The following C1GALT1 variants were observed in gnomAD, a reference collection of about 807,000 sequenced individuals.
The protein encoded by C1GALT1 is core 1 synthase, glycoprotein-N-acetylgalactosamine 3-beta-galactosyltransferase 1.
A neutral mutation model predicts 31.0 loss-of-function variants in C1GALT1; 11 were observed. The ratio of observed to expected loss-of-function variants is 0.36; its 90% CI spans 0.22 to 0.59. The LOEUF is 0.59. Ranked by LOEUF, C1GALT1 falls within the 20% of genes least tolerant of loss-of-function variation. The pLI, the probability that C1GALT1 is intolerant of heterozygous loss-of-function variation, is 0.79. For missense variants in C1GALT1, 424 were observed against 425.2 expected (o/e 1.00, Z 0.03); for synonymous variants, 175 against 143.6 (o/e 1.22, Z -1.56).
chr7:7,216,958 G>GT (rs1288859831), intron 1 of C1GALT1, among the ~76,000 whole-genome samples: 11 of 146,844 alleles, frequency 7.5e-5, no homozygotes, highest in Non-Finnish European at 8.9e-5. Context: ...TTCCTAAACT[G>GT]TAAGTATTCC....
At chr7:7,197,091 G>C (rs1781324081) in intron 1 of C1GALT1, among the ~76,000 whole-genome samples, 2 of 152,140 alleles carry the variant, frequency 1.3e-5, no homozygotes, top group Non-Finnish European at 2.9e-5. Flanking sequence ...ATTGCTTTTG[G>C]TGTTTTAGTC....
In C1GALT1 at chr7:7,195,543, C is replaced by T. The variant is rs1275355118; in HGVS notation, c.-18+12723C>T. Among the ~76,000 whole-genome samples, 5 of 152,006 alleles carry T rather than the reference C, an allele frequency of 3.3e-5. 1 individual carries two copies. The South Asian group carries it at 6.2e-4, about 19-fold the overall frequency. Reference sequence around the variant, plus strand: ...CCACTATAGTGTGAGAGAGTACTTGCTATAATTTTGATTTTCTTAAATTTG... The same window carrying T: ...CCACTATAGTGTGAGAGAGTACTTGTTATAATTTTGATTTTCTTAAATTTG... On this transcript the variant is annotated intron_variant, in intron 1 of 3. Coordinates refer to ENST00000436587, the MANE Select transcript of C1GALT1 (RefSeq NM_020156.5).
intron 3 of C1GALT1, among the ~76,000 whole-genome samples, chr7:7,241,473 C>T (rs1783627253): frequency 1.3e-5 from 2 of 151,882 alleles, no homozygotes; most frequent in Admixed American, 6.6e-5. Flanking sequence ...TTCTTTTTTT[C>T]TAAGTGTTTT....
chr7:7,229,631 T>C (rs1307849952), intron 1 of C1GALT1, among the ~76,000 whole-genome samples: 1 of 152,216 alleles, frequency 6.6e-6, no homozygotes, highest in Non-Finnish European at 1.5e-5. Context: ...CAAGGTCTAA[T>C]GAACTGGTCC....
At chr7:7,206,438 G>C (rs1781742682) in intron 1 of C1GALT1, among the ~76,000 whole-genome samples, 1 of 151,990 alleles carries the variant, frequency 6.6e-6, no homozygotes, top group Non-Finnish European at 1.5e-5. Flanking sequence ...GTCTTGAGAG[G>C]CTGAGGCAGG....
Position 7,238,426 on chromosome 7 carries a change from C to A in C1GALT1, c.392C>A (p.Ala131Asp). The stretch of plus-strand genomic sequence containing the variant: ...TCAGAAGAAAATAAAGACTTCCCTG[C>A]TGTGGGACTGAAAACCAAAGAAGGC... The part of the protein sequence containing the change: ...MSSEENKDFP[A>D]VGLKTKEGRD... The change falls in exon 3 of 4, where the codon GCT (alanine) becomes GAT (aspartate). Residue 131 changes from alanine (A) to aspartate (D), a missense_variant. Physicochemically the swap from Ala to Asp is moderately radical, Grantham distance 126 (BLOSUM62 -2). Transcript: ENST00000436587. This position sits in a 1 kb window ranked among gnomAD's most constrained non-coding sequence, Gnocchi z 5.2. The A allele has an allele frequency of 6.2e-7, 1 of 1,613,916 alleles. No homozygotes were observed. Among genetic ancestry groups the A allele is most frequent in the Non-Finnish European group, 8.5e-7 (1 of 1,179,966 alleles).
intron 2 of C1GALT1, among the ~76,000 whole-genome samples, chr7:7,164,253 T>C (rs1039120116): frequency 1.3e-5 from 2 of 152,224 alleles, no homozygotes; most frequent in Admixed American, 1.3e-4. Flanking sequence ...CTGGGGAAAC[T>C]GGCTAGCCAT....
At chr7:7,211,411 C>CA (rs1170526300) in intron 1 of C1GALT1, among the ~76,000 whole-genome samples, 1 of 151,990 alleles carries the variant, frequency 6.6e-6, no homozygotes, top group Admixed American at 6.6e-5. Context: ...CCCCTAAACC[C>CA]AAAAAAAGTC....
intron 3 of C1GALT1, among the ~76,000 whole-genome samples, chr7:7,241,164 CTACTT>C (rs1783611369): frequency 6.6e-6 from 1 of 151,934 alleles, no homozygotes; most frequent in African/African-American, 2.4e-5. Context: ...CAAATATGAT[CTACTT>C]TATTCAGTTT....
At chr7:7,195,885 AT>A (rs1322303689) in intron 1 of C1GALT1, among the ~76,000 whole-genome samples, 1 of 151,838 alleles carries the variant, frequency 6.6e-6, no homozygotes, top group East Asian at 1.9e-4. Context: ...GGATTGTGAT[AT>A]TTTCCTGTTG....
At chr7:7,183,362 C>T (rs915535840) in intron 1 of C1GALT1, among the ~76,000 whole-genome samples, 9 of 151,118 alleles carry the variant, frequency 6.0e-5, no homozygotes, top group Non-Finnish European at 1.0e-4. Flanking sequence ...CCAGAGGTGC[C>T]TGGAGCTTGC....
intron 2 of C1GALT1, among the ~76,000 whole-genome samples, chr7:7,171,452 G>A (rs1218606306): frequency 6.6e-6 from 1 of 152,052 alleles, no homozygotes; most frequent in Non-Finnish European, 1.5e-5. Context: ...CTATTTGGAT[G>A]TAATATCTTT....
chr7:7,237,300 G>A (rs145174678), intron 2 of C1GALT1, among the ~76,000 whole-genome samples: 22 of 152,238 alleles, frequency 1.4e-4, no homozygotes, highest in Non-Finnish European at 2.1e-4. Context: ...CTCAAAATGC[G>A]GTCCTGGCCT....
chr7:7,168,962 C>G (rs1780425132), intron 2 of C1GALT1, among the ~76,000 whole-genome samples: 1 of 152,204 alleles, frequency 6.6e-6, no homozygotes, highest in Admixed American at 6.5e-5. Flanking sequence ...AACACCACCA[C>G]TATCTGTTAA....
intron 1 of C1GALT1, chr7:7,183,710 C>A: frequency 1.7e-6 from 1 of 597,382 alleles, no homozygotes; most frequent in Non-Finnish European, 2.1e-6. Context: ...ACAACAGTAT[C>A]AGCAACAAAA....
chr7:7,200,924 C>G (rs139576521), intron 1 of C1GALT1, among the ~76,000 whole-genome samples: 365 of 152,308 alleles, frequency 2.4e-3, no homozygotes, highest in African/African-American at 7.9e-3. Context: ...TTTTTAGCTT[C>G]TTTGCGATGG....
chr7:7,232,498 T>TG (rs1491310833), intron 1 of C1GALT1, among the ~76,000 whole-genome samples: 9 of 19,014 alleles, frequency 4.7e-4, no homozygotes, highest in East Asian at 8.5e-3. Flanking sequence ...TTTTTTTTTG[T>TG]TTTTTTTTTT....
At chr7:7,235,934 G>A (rs1783317078) in intron 2 of C1GALT1, among the ~76,000 whole-genome samples, 1 of 152,072 alleles carries the variant, frequency 6.6e-6, no homozygotes, top group Admixed American at 6.6e-5. Flanking sequence ...TTCCGATTCA[G>A]GCCTTCAGCT....
upstream of C1GALT1, among the ~76,000 whole-genome samples, chr7:7,179,227 C>T (rs969942798): frequency 6.6e-6 from 1 of 152,042 alleles, no homozygotes; most frequent in African/African-American, 2.4e-5. Context: ...TATAGTCTCC[C>T]CTCAGAAGTC....
Sources: allele counts gnomAD v4.1 joint callset (sites outside exome capture counted in the v4.1 genomes callset), GRCh38; gene constraint gnomAD v4.1.1; non-coding constraint Gnocchi (gnomAD v3.1); transcripts MANE v1.5; gene names NCBI Gene and HGNC (gene_info 2026-07-23, HGNC 2026-07-21).